Variants in BRD4 observed in about 807,000 individuals in gnomAD.
The protein encoded by BRD4 is bromodomain containing 4.
A neutral mutation model predicts 142.1 loss-of-function variants in BRD4; 16 were observed. The ratio of observed to expected loss-of-function variants is 0.11; its 90% confidence interval spans 0.08 to 0.17. The LOEUF is 0.17. BRD4 is among the 10% of genes least tolerant of loss of function. The pLI, the probability that BRD4 is intolerant of heterozygous loss-of-function variation, is 1.00. For synonymous variants in BRD4, 833 were observed against 707.5 expected (o/e 1.18, Z -2.82); for missense variants, 1,424 against 1,810.9 (o/e 0.79, Z 3.88).
chr19:15,315,779 C>G (rs760777479), intron 1 of BRD4, among the ~76,000 whole-genome samples: 3 of 151,128 alleles, frequency 2.0e-5, no homozygotes, highest in Non-Finnish European at 4.4e-5. Context: ...TCACTTGAAC[C>G]CGGGAGGTGG....
chr19:15,269,563 T>G (rs2047566600), intron 2 of BRD4, among the ~76,000 whole-genome samples: 1 of 152,142 alleles, frequency 6.6e-6, no homozygotes, highest in Non-Finnish European at 1.5e-5. Context: ...CTGCGGAGCA[T>G]AAGTTTCCAC....
intron 14 of BRD4, among the ~76,000 whole-genome samples, chr19:15,240,481 G>C (rs1184995469): frequency 6.6e-6 from 1 of 152,196 alleles, no homozygotes; most frequent in Admixed American, 6.5e-5. Flanking sequence ...TGCAGGGGGT[G>C]CAAGACCCAG....
At chr19:15,306,583 C>T (rs1213068905) in intron 1 of BRD4, among the ~76,000 whole-genome samples, 1 of 152,142 alleles carries the variant, frequency 6.6e-6, no homozygotes, top group Non-Finnish European at 1.5e-5. Flanking sequence ...TTTTTAGCTT[C>T]TGACTTGGTG....
intron 11 of BRD4, among the ~76,000 whole-genome samples, chr19:15,250,144 G>C (rs1170181284): frequency 6.6e-6 from 1 of 152,136 alleles, no homozygotes; most frequent in Non-Finnish European, 1.5e-5. Context: ...CCCACTGGCG[G>C]CCTCTCACTC....
intron 10 of BRD4, 97 bp from the exon 11 acceptor site, chr19:15,254,359 GTGAGGAGCC>G: frequency 9.3e-7 from 1 of 1,071,206 alleles, no homozygotes; most frequent in South Asian, 1.3e-5. Flanking sequence ...GGAAGGACCA[GTGAGGAGCC>G]TGTGCACGGT....
intron 8 of BRD4, 141 bp from the exon 9 acceptor site, chr19:15,256,404 G>T (rs1382603946): frequency 9.8e-7 from 1 of 1,023,112 alleles, no homozygotes; most frequent in Non-Finnish European, 1.4e-6. Context: ...GCAGGGGAAG[G>T]GAAGGCCCCC....
At chr19:15,249,653 G>C (rs1466532231) in intron 11 of BRD4, among the ~76,000 whole-genome samples, 1 of 152,126 alleles carries the variant, frequency 6.6e-6, no homozygotes, top group Non-Finnish European at 1.5e-5. Flanking sequence ...TTGAATTTGA[G>C]TGATGCCCCT....
intron 1 of BRD4, among the ~76,000 whole-genome samples, chr19:15,295,261 A>T (rs960976326): frequency 6.6e-6 from 1 of 152,200 alleles, no homozygotes; most frequent in Non-Finnish European, 1.5e-5. Flanking sequence ...GACTAGAGAC[A>T]GGTTCCCGCA....
chr19:15,257,317 G>A lies in BRD4; in HGVS notation c.1342-144C>T, dbSNP rs80227750. On this transcript the variant is annotated intron_variant, in intron 7 of 19. Transcript: ENST00000679869. ...ATGGTGATCCTGTCTCTTTGCTGCC[G>A]AGACAGGGGCAAGGGCCAGCCAAGG... 3,701 of 782,846 alleles carry A rather than the reference G, an allele frequency of 4.7e-3. 116 individuals carry two copies. In the African/African-American group the frequency reaches 0.06, roughly 13 times the overall value. The allele number at this position is 782,846 out of a possible 1,614,324, so 48.5% of individuals were successfully genotyped here. A position where few individuals can be genotyped will look rare whatever the true frequency, so the allele number is the denominator to read the frequency against.
At chr19:15,279,889 A>G (rs1275225173) in intron 1 of BRD4, among the ~76,000 whole-genome samples, 1 of 152,164 alleles carries the variant, frequency 6.6e-6, no homozygotes, top group Admixed American at 6.5e-5. Flanking sequence ...GTTCAGACTC[A>G]CCCCTCTCCT....
At chr19:15,294,802 CACAG>C (rs974285525) in intron 1 of BRD4, among the ~76,000 whole-genome samples, 13 of 152,266 alleles carry the variant, frequency 8.5e-5, no homozygotes, top group African/African-American at 7.2e-5. Context: ...GTGCCTGGGA[CACAG>C]ACAGCCAGTG....
At chr19:15,321,994 AAG>A (rs2048065578) in intron 1 of BRD4, among the ~76,000 whole-genome samples, 1 of 152,168 alleles carries the variant, frequency 6.6e-6, no homozygotes. Flanking sequence ...GCAAATGACA[AAG>A]AAACAGATCA....
At chr19:15,245,594 G>A (rs999495089) in intron 11 of BRD4, among the ~76,000 whole-genome samples, 5 of 152,194 alleles carry the variant, frequency 3.3e-5, no homozygotes, top group Admixed American at 3.3e-4. Flanking sequence ...TCGAGAGCCA[G>A]CGTGCCCACC....
In BRD4 at chr19:15,264,675, T is replaced by C. The variant is rs2145600066; in HGVS notation, c.941A>G (p.Lys314Arg). ...HEPPSLPPEP[K>R]TTKLGQRRES... is the part of the protein sequence containing the mutation. ...CCGCCGCTGGCCCAGCTTGGTGGTC[T>C]TGGGCTCCGGGGGCAGCGAGGGTGG... The change falls in exon 6 of 20, where the codon AAG becomes AGG. Residue 314 changes from lysine to arginine, a missense_variant. Transcript: ENST00000679869. 6 of 1,613,606 alleles carry C rather than the reference T, an allele frequency of 3.7e-6. No individual in the cohort carries two copies. Among genetic ancestry groups the C allele is most frequent in the Non-Finnish European group, 4.2e-6 (5 of 1,180,014 alleles).
chr19:15,318,107 TTC>T (rs1278834997), intron 1 of BRD4, among the ~76,000 whole-genome samples: 1 of 152,224 alleles, frequency 6.6e-6, no homozygotes, highest in Non-Finnish European at 1.5e-5. Context: ...ATGATCTTAT[TTC>T]TCTTAATTAC....
rs1037479948 is a variant in BRD4 at position 15,235,686 on chromosome 19, G to A, written c.*2691C>T. ...GACATAATTATTGGCCAAGCGATCC[G>A]TGCATACAGTACAGTGGGGGCTTGT... On this transcript the variant is annotated 3_prime_UTR_variant, in exon 20 of 20. Transcript: ENST00000679869. 1.3e-5 allele frequency: 2 copies of A among 152,044 alleles called. No homozygotes were observed. The highest frequency in any genetic ancestry group is 6.6e-5 in the Admixed American group (1 of 15,250). 9.4% of individuals were successfully genotyped at this position (152,044 alleles called of 1,614,324 possible). A position where few individuals can be genotyped will look rare whatever the true frequency, so the allele number is the denominator to read the frequency against.
chr19:15,276,152 G>A (rs2047644467), intron 1 of BRD4, among the ~76,000 whole-genome samples: 1 of 152,134 alleles, frequency 6.6e-6, no homozygotes, highest in South Asian at 2.1e-4. Context: ...GCCTTCCCAT[G>A]ACTACAGGAA....
intron 1 of BRD4, among the ~76,000 whole-genome samples, chr19:15,313,594 T>C (rs1449402594): frequency 5.3e-5 from 8 of 150,846 alleles, no homozygotes. Flanking sequence ...GAGAATTGCT[T>C]GAACCCGGCA....
chr19:15,290,708 C>G (rs12972808), intron 1 of BRD4, among the ~76,000 whole-genome samples: 21,178 of 152,020 alleles, frequency 0.14, 1,707 homozygotes, highest in Middle Eastern at 0.2. Context: ...ACATATACAC[C>G]CGCTTCTCAT....
Sources: gnomAD v4.1 joint callset for allele counts (sites outside exome capture counted in the v4.1 genomes callset) on GRCh38, gnomAD v4.1.1 for gene constraint, MANE v1.5 for transcripts, NCBI Gene and HGNC (gene_info 2026-07-23, HGNC 2026-07-21) for gene names.